The following MED4 variants were observed in gnomAD, a reference collection of about 807,000 sequenced individuals.
The protein encoded by MED4 is mediator complex subunit 4.
In MED4, 21 loss-of-function variants were observed where a neutral mutation model predicts 35.0. The ratio of observed to expected loss-of-function variants is 0.60; its 90% CI spans 0.43 to 0.86. The LOEUF (loss-of-function observed/expected upper bound fraction) is 0.86, where lower values mean the gene tolerates loss of function less well. MED4 is among the 40% of genes least tolerant of loss of function. The pLI, the probability that MED4 is intolerant of heterozygous loss-of-function variation, is 0.00. For missense variants in MED4, 300 were observed against 319.4 expected, an observed-to-expected ratio of 0.94 and a Z score of 0.46; for synonymous variants, 138 against 114.0, an observed-to-expected ratio of 1.21 and a Z score of -1.34.
intron 6 of MED4, among the ~76,000 whole-genome samples, chr13:48,079,073 T>A (rs747761026): frequency 6.6e-6 from 1 of 152,020 alleles, no homozygotes; most frequent in Non-Finnish European, 1.5e-5. Flanking sequence ...CAAATATATA[T>A]AAAAATAGCA....
At chr13:48,085,565 C>T (rs1950842952) in intron 3 of MED4, among the ~76,000 whole-genome samples, 1 of 152,204 alleles carries the variant, frequency 6.6e-6, no homozygotes, top group South Asian at 2.1e-4. Context: ...TTACCCTGAA[C>T]TGCCCAGGCT....
intron 3 of MED4, among the ~76,000 whole-genome samples, chr13:48,084,179 G>A (rs1003652007): frequency 2.0e-5 from 3 of 149,642 alleles, no homozygotes; most frequent in Non-Finnish European, 4.4e-5. Context: ...AGAATCGCTT[G>A]AACCCAGGAG....
intron 3 of MED4, 127 bp downstream of exon 3, chr13:48,086,155 G>A: frequency 1.2e-6 from 1 of 817,900 alleles, no homozygotes; most frequent in Non-Finnish European, 1.9e-6. Context: ...AATGGTGAGT[G>A]ACAAGATATC....
At position 48,076,425 on chromosome 13, in the gene MED4, T is replaced by A. The variant is rs898567226; in HGVS notation, c.*714A>T. The stretch of plus-strand genomic sequence containing the variant: ...AAATTTTTTCAATTATTAAAAAAAA[T>A]TATTTCTTCTAATAGGAATAGGCCT... On this transcript the variant is annotated 3_prime_UTR_variant, in exon 7 of 7. Transcript: ENST00000258648. 2.6e-4 allele frequency: 40 copies of A among 152,116 alleles called. 1 individual carries two copies. The highest frequency in any genetic ancestry group is 4.4e-5 in the Non-Finnish European group (3 of 67,990). The allele number at this position is 152,116 out of a possible 1,614,324, so 9.4% of individuals were successfully genotyped here.
At chr13:48,089,414 AT>A (rs1950874613) in intron 2 of MED4, among the ~76,000 whole-genome samples, 2 of 152,114 alleles carry the variant, frequency 1.3e-5, no homozygotes, top group South Asian at 4.1e-4. Flanking sequence ...AGAAAGGTTA[AT>A]CCTCTCCATT....
At chr13:48,092,303 G>A (rs1593549603) in intron 1 of MED4, among the ~76,000 whole-genome samples, 2 of 151,794 alleles carry the variant, frequency 1.3e-5, no homozygotes, top group Non-Finnish European at 2.9e-5. Flanking sequence ...GTACAGATGG[G>A]GTTTCTCCCT....
At chr13:48,088,247 C>T (rs1593547291) in intron 2 of MED4, among the ~76,000 whole-genome samples, 1 of 152,142 alleles carries the variant, frequency 6.6e-6, no homozygotes, top group East Asian at 1.9e-4. Context: ...AAATATCTAT[C>T]AAAATTCAGA....
chr13:48,086,876 C>A (rs1234976995), intron 2 of MED4, among the ~76,000 whole-genome samples: 1 of 151,876 alleles, frequency 6.6e-6, no homozygotes, highest in African/African-American at 2.4e-5. Context: ...ATGGTGAAAC[C>A]CCATCTCTAC....
chr13:48,082,548 C>T (rs1950816927), intron 4 of MED4, among the ~76,000 whole-genome samples: 1 of 152,216 alleles, frequency 6.6e-6, no homozygotes, highest in Non-Finnish European at 1.5e-5. Flanking sequence ...AGCTATTTGG[C>T]TGGGCGCAGT....
At chr13:48,084,114 T>G (rs1593544838) in intron 3 of MED4, among the ~76,000 whole-genome samples, 2 of 151,836 alleles carry the variant, frequency 1.3e-5, no homozygotes, top group Admixed American at 6.6e-5. Flanking sequence ...TACAAAAAAT[T>G]TATATGGGCA....
intron 1 of MED4, among the ~76,000 whole-genome samples, chr13:48,090,895 T>C (rs1179887091): frequency 6.6e-6 from 1 of 152,226 alleles, no homozygotes; most frequent in Non-Finnish European, 1.5e-5. Context: ...CTGCAGTTTT[T>C]GTAAATAACA....
chr13:48,079,441 C>T (rs1006358481), intron 6 of MED4, among the ~76,000 whole-genome samples: 1 of 152,142 alleles, frequency 6.6e-6, no homozygotes, highest in Admixed American at 6.5e-5. Flanking sequence ...CTAGCTATTA[C>T]AATGAACTGG....
At chr13:48,092,282 T>A (rs75618338) in intron 1 of MED4, among the ~76,000 whole-genome samples, 2 of 135,714 alleles carry the variant, frequency 1.5e-5, no homozygotes, top group African/African-American at 6.3e-5. Context: ...TAATTTTGTA[T>A]TTTTTTTTTA....
rs191035405 is a variant in MED4, at chr13:48,083,551, A to C, written c.364-123T>G. Reference sequence around the variant, plus strand: ...ATCTTTGAAACTTGGAAATCCCAACAATTTATTTGTAATGTTCTGAAATAC... The same window carrying C: ...ATCTTTGAAACTTGGAAATCCCAACCATTTATTTGTAATGTTCTGAAATAC... On this transcript the variant is annotated intron_variant, in intron 3 of 6. Transcript: ENST00000258648. 492 of 648,646 alleles carry C rather than the reference A, an allele frequency of 7.6e-4. 3 individuals are homozygous for C. Among genetic ancestry groups the C allele is most frequent in the Admixed American group, 3.6e-3 (109 of 30,694 alleles). The allele number at this position is 648,646 out of a possible 1,614,324, so 40.2% of individuals were successfully genotyped here.
intron 2 of MED4, among the ~76,000 whole-genome samples, chr13:48,086,964 T>C (rs1398239060): frequency 6.6e-6 from 1 of 151,500 alleles, no homozygotes; most frequent in Non-Finnish European, 1.5e-5. Context: ...GAGAATTGCA[T>C]GAGCCTGGGA....
Position 48,076,998 on chromosome 13 carries a change from G to T in MED4, c.*141C>A. 1 of 665,154 alleles carries T rather than the reference G, an allele frequency of 1.5e-6. No homozygotes were observed. Among genetic ancestry groups the T allele is most frequent in the Non-Finnish European group, 2.3e-6 (1 of 440,120 alleles). The allele number at this position is 665,154 out of a possible 1,614,324, so 41.2% of individuals were successfully genotyped here. On this transcript the variant is annotated 3_prime_UTR_variant, in exon 7 of 7. Transcript: ENST00000258648. ...TTTAAAAAGAAAGTCAAAAAATTTTGACTTTTAATGACTGCACAATTCTAC... is the reference window on the plus strand; with the variant it reads ...TTTAAAAAGAAAGTCAAAAAATTTTTACTTTTAATGACTGCACAATTCTAC...
chr13:48,078,106 C>A (rs994354114), intron 6 of MED4, among the ~76,000 whole-genome samples: 2 of 152,014 alleles, frequency 1.3e-5, no homozygotes, highest in Non-Finnish European at 2.9e-5. Context: ...AAAAAGGGCC[C>A]AAGTTACATT....
At position 48,090,420 on chromosome 13, in the gene MED4, TAA is replaced by T. The variant is rs3215817; in HGVS notation, c.126-4_126-3del. The stretch of plus-strand genomic sequence containing the variant: ...ATTGCCAGCATTTCTATAAGTTCCC[TAA>T]AAAAAAAAAACCAACAACAACAAAA... On this transcript the variant is annotated splice_region_variant and splice_polypyrimidine_tract_variant and intron_variant, in intron 1 of 6. Coordinates refer to ENST00000258648, the MANE Select transcript of MED4 (RefSeq NM_014166.4). 270 of 1,307,724 alleles carry T rather than the reference TAA, an allele frequency of 2.1e-4. No individual in the cohort carries two copies. Among genetic ancestry groups the T allele is most frequent in the Admixed American group, 1.0e-3 (47 of 46,418 alleles). The allele number at this position is 1,307,724 out of a possible 1,614,324, so 81.0% of individuals were successfully genotyped here. A position where few individuals can be genotyped will look rare whatever the true frequency, so the allele number is the denominator to read the frequency against.
chr13:48,094,214 G>A (rs908159124), intron 1 of MED4, among the ~76,000 whole-genome samples: 2 of 152,190 alleles, frequency 1.3e-5, no homozygotes, highest in African/African-American at 4.8e-5. Flanking sequence ...TATGAACAGC[G>A]GGGTTGGAAC....
Sources: gnomAD v4.1 joint callset for allele counts (sites outside exome capture counted in the v4.1 genomes callset) on GRCh38, gnomAD v4.1.1 for gene constraint, MANE v1.5 for transcripts, NCBI Gene and HGNC (gene_info 2026-07-23, HGNC 2026-07-21) for gene names.